RNF220: variants seen among roughly 807,000 people sequenced by gnomAD.
RNF220 encodes the protein ring finger protein 220.
A neutral mutation model predicts 67.1 loss-of-function variants in RNF220; 7 were observed. That is an observed-to-expected ratio of 0.10 (90% confidence interval 0.06 to 0.20). The LOEUF (loss-of-function observed/expected upper bound fraction) is 0.20, where lower values mean the gene tolerates loss of function less well. Ranked by LOEUF, RNF220 falls within the 10% of genes least tolerant of loss-of-function variation. The pLI is 1.00. For synonymous variants in RNF220, 270 were observed against 283.2 expected, an observed-to-expected ratio of 0.95 and a Z score of 0.47; for missense variants, 565 against 740.3, an observed-to-expected ratio of 0.76 and a Z score of 2.75.
At chr1:44,509,219 G>A (rs1450912315) in intron 2 of RNF220, among the ~76,000 whole-genome samples, 2 of 152,186 alleles carry the variant, frequency 1.3e-5, no homozygotes, top group African/African-American at 2.4e-5. Context: ...CACCAGTCCT[G>A]GTGTTTATCC....
intron 2 of RNF220, among the ~76,000 whole-genome samples, chr1:44,416,002 C>T (rs753853485): frequency 4.7e-5 from 7 of 148,754 alleles, no homozygotes; most frequent in Admixed American, 3.4e-4. Context: ...AGAAATATAG[C>T]GATTTGGGTC....
intron 2 of RNF220, among the ~76,000 whole-genome samples, chr1:44,453,345 A>G (rs1276513973): frequency 3.9e-5 from 6 of 152,116 alleles, no homozygotes; most frequent in Non-Finnish European, 7.4e-5. Context: ...AGTAGTTGCA[A>G]CTATAGCAAT....
chr1:44,602,423 C>T (rs112897395), intron 2 of RNF220, among the ~76,000 whole-genome samples: 32 of 152,124 alleles, frequency 2.1e-4, no homozygotes, highest in African/African-American at 5.5e-4. Flanking sequence ...CTCCAGGTTC[C>T]GGGGAAAGTG....
intron 2 of RNF220, among the ~76,000 whole-genome samples, chr1:44,542,926 C>A (rs1661789887): frequency 6.6e-6 from 1 of 151,918 alleles, no homozygotes; most frequent in Non-Finnish European, 1.5e-5. Flanking sequence ...CCTGCCCCAG[C>A]CCCTCCCAGG....
At chr1:44,479,220 A>G (rs930272399) in intron 2 of RNF220, among the ~76,000 whole-genome samples, 1 of 150,718 alleles carries the variant, frequency 6.6e-6, no homozygotes, top group East Asian at 2.0e-4. Flanking sequence ...GGTTCACGCC[A>G]TTCTCCTGCC....
At chr1:44,632,159 C>A (rs920007314) in intron 5 of RNF220, 184 bp from the exon 6 acceptor site, 5 of 1,551,182 alleles carry the variant, frequency 3.2e-6, no homozygotes, top group East Asian at 2.4e-5. Context: ...GCGGCTATGC[C>A]GAGAGCCCGG....
intron 2 of RNF220, among the ~76,000 whole-genome samples, chr1:44,506,557 T>C (rs10890307): frequency 0.021 from 3,235 of 152,322 alleles, 57 homozygotes; most frequent in South Asian, 0.046. Flanking sequence ...GGGGGTCATC[T>C]ATCAGCCTCC....
intron 2 of RNF220, among the ~76,000 whole-genome samples, chr1:44,539,634 G>T (rs944485939): frequency 2.0e-5 from 3 of 152,164 alleles, no homozygotes; most frequent in African/African-American, 7.2e-5. Context: ...GTGTGGAAAT[G>T]ATTTCACAGA....
At chr1:44,638,739 T>G (rs988270350) in intron 8 of RNF220, among the ~76,000 whole-genome samples, 16 of 152,078 alleles carry the variant, frequency 1.1e-4, no homozygotes, top group Admixed American at 2.6e-4. Context: ...GAGGAGGAGC[T>G]CCAGATATCT....
Position 44,590,709 on chromosome 1 carries a change from G to A in RNF220, c.626-23456G>A, listed in dbSNP as rs768998236. ...GAGATGATGAATAGGAAGCGGGGGGGCCAGGGAGGATTCATTCACCTTCCA... is the reference window on the plus strand; with the variant it reads ...GAGATGATGAATAGGAAGCGGGGGGACCAGGGAGGATTCATTCACCTTCCA... On this transcript the variant is annotated intron_variant, in intron 2 of 14. Coordinates refer to ENST00000361799, the MANE Select transcript of RNF220 (RefSeq NM_018150.4). Among the ~76,000 whole-genome samples, 3 of 152,190 alleles carry A rather than the reference G, an allele frequency of 2.0e-5. No individual in the cohort carries two copies. In the East Asian group the frequency reaches 5.8e-4, roughly 29 times the overall value.
chr1:44,496,392 A>G (rs1657349612), intron 2 of RNF220, among the ~76,000 whole-genome samples: 2 of 152,234 alleles, frequency 1.3e-5, no homozygotes, highest in African/African-American at 4.8e-5. Flanking sequence ...TGGAAGAGGG[A>G]TAGACAGGCA....
At chr1:44,453,463 T>G (rs1652881641) in intron 2 of RNF220, among the ~76,000 whole-genome samples, 1 of 152,116 alleles carries the variant, frequency 6.6e-6, no homozygotes, top group African/African-American at 2.4e-5. Flanking sequence ...GTTTTACATT[T>G]TTTATTTTGT....
intron 2 of RNF220, among the ~76,000 whole-genome samples, chr1:44,451,026 A>G (rs1652614821): frequency 1.3e-5 from 2 of 152,112 alleles, no homozygotes; most frequent in African/African-American, 4.8e-5. Context: ...TACTAAAAAT[A>G]CAAAAAATTA....
intron 2 of RNF220, among the ~76,000 whole-genome samples, chr1:44,543,482 A>T (rs1424399929): frequency 6.6e-6 from 1 of 152,144 alleles, no homozygotes; most frequent in East Asian, 1.9e-4. Context: ...GCTGGACATG[A>T]CATGACAAAT....
intron 2 of RNF220, among the ~76,000 whole-genome samples, chr1:44,454,791 C>T (rs1373211089): frequency 2.0e-5 from 3 of 152,032 alleles, no homozygotes; most frequent in Non-Finnish European, 2.9e-5. Flanking sequence ...TAGAAGAGTC[C>T]TACCACCCTC....
intron 2 of RNF220, among the ~76,000 whole-genome samples, chr1:44,437,176 A>G (rs1196847137): frequency 6.6e-6 from 1 of 152,162 alleles, no homozygotes; most frequent in Non-Finnish European, 1.5e-5. Flanking sequence ...TAGCAAACCA[A>G]CCAATGCGGT....
chr1:44,531,620 G>A (rs904527040), intron 2 of RNF220, among the ~76,000 whole-genome samples: 5 of 152,160 alleles, frequency 3.3e-5, no homozygotes, highest in African/African-American at 1.2e-4. Flanking sequence ...TTATTAAATT[G>A]AAGATTTCTG....
chr1:44,431,706 T>A (rs1340808113), intron 2 of RNF220, among the ~76,000 whole-genome samples: 2 of 151,586 alleles, frequency 1.3e-5, no homozygotes, highest in East Asian at 3.9e-4. Context: ...CTGGCCATCT[T>A]CTGAGTGGAG....
chr1:44,637,464 G>A (rs1644362439), intron 8 of RNF220, among the ~76,000 whole-genome samples: 1 of 152,198 alleles, frequency 6.6e-6, no homozygotes, highest in Non-Finnish European at 1.5e-5. Context: ...TGGACACATG[G>A]GTGTCCGATG....
Sources: allele counts gnomAD v4.1 joint callset (sites outside exome capture counted in the v4.1 genomes callset), GRCh38; gene constraint gnomAD v4.1.1; transcripts MANE v1.5; gene names NCBI Gene and HGNC (gene_info 2026-07-23, HGNC 2026-07-21).